The following CSMD1 variants were observed in gnomAD, a reference collection of about 807,000 sequenced individuals.
CSMD1 encodes the protein CUB and Sushi multiple domains 1.
A neutral mutation model predicts 417.5 loss-of-function variants in CSMD1; 213 were observed. The ratio of observed to expected loss-of-function variants is 0.51; its 90% CI spans 0.46 to 0.57. The LOEUF (loss-of-function observed/expected upper bound fraction) is 0.57, where lower values mean the gene tolerates loss of function less well. Among genes scored for constraint, CSMD1 ranks in the 20% least tolerant of loss-of-function variants. The probability of loss-of-function intolerance (pLI) is 0.00; values close to 1 mark genes in which losing one functional copy is unlikely to be tolerated. For synonymous variants in CSMD1, 2,862 were observed against 1,736.8 expected (o/e 1.65, Z -16.11); for missense variants, 6,923 against 4,529.7 (o/e 1.53, Z -15.17).
chr8:4,817,502 T>C (rs1252162814), intron 1 of CSMD1, among the ~76,000 whole-genome samples: 5 of 152,240 alleles, frequency 3.3e-5, no homozygotes, highest in Non-Finnish European at 5.9e-5. Flanking sequence ...GATCCAGTTC[T>C]TATTCCAGCC....
At chr8:3,667,800 A>G (rs140456795) in intron 7 of CSMD1, among the ~76,000 whole-genome samples, 169 of 152,310 alleles carry the variant, frequency 1.1e-3, no homozygotes, top group East Asian at 9.7e-3. Flanking sequence ...ATGGAAACAG[A>G]AGACCCAGGG....
chr8:4,212,986 G>T (rs1260697720), intron 3 of CSMD1, among the ~76,000 whole-genome samples: 1 of 151,966 alleles, frequency 6.6e-6, no homozygotes, highest in Non-Finnish European at 1.5e-5. Flanking sequence ...TGGCTTCCAA[G>T]TCATGTTGCC....
chr8:4,132,577 A>G (rs1803177745), intron 3 of CSMD1, among the ~76,000 whole-genome samples: 1 of 152,234 alleles, frequency 6.6e-6, no homozygotes, highest in South Asian at 2.1e-4. Flanking sequence ...GTGCTATAGC[A>G]TACATCATCA....
intron 3 of CSMD1, among the ~76,000 whole-genome samples, chr8:4,039,507 G>C (rs1422900443): frequency 6.6e-6 from 1 of 152,138 alleles, no homozygotes; most frequent in African/African-American, 2.4e-5. Context: ...ATCTGTAAAA[G>C]GAGAAGGTGC....
At chr8:4,967,937 A>G (rs551753992) in intron 1 of CSMD1, among the ~76,000 whole-genome samples, 5 of 152,278 alleles carry the variant, frequency 3.3e-5, no homozygotes, top group African/African-American at 1.2e-4. Flanking sequence ...AATGATTGAA[A>G]ATGATGTATT....
intron 3 of CSMD1, among the ~76,000 whole-genome samples, chr8:4,045,669 T>C (rs1470820258): frequency 1.3e-5 from 2 of 152,198 alleles, no homozygotes; most frequent in East Asian, 3.9e-4. Flanking sequence ...GTAGAAATAA[T>C]TTTAAGTAGA....
rs147252764 is a variant in CSMD1, at chr8:4,691,825, C to T, written c.86-54267G>A. Among the ~76,000 whole-genome samples the T allele has an allele frequency of 9.8e-5, 15 of 152,294 alleles. No individual in the cohort carries two copies. The South Asian group carries it at 2.3e-3, about 23-fold the overall frequency. On this transcript the variant is annotated intron_variant, in intron 1 of 69. Transcript: ENST00000635120. Reference sequence around the variant, plus strand: ...CAAATCTAACCACAGCAGATAAAGTCGAAGAGGTTTTAATGGGCCAGTGTT... The same window carrying T: ...CAAATCTAACCACAGCAGATAAAGTTGAAGAGGTTTTAATGGGCCAGTGTT...
chr8:4,767,084 C>T (rs577344315), intron 1 of CSMD1, among the ~76,000 whole-genome samples: 1 of 152,226 alleles, frequency 6.6e-6, no homozygotes, highest in South Asian at 2.1e-4. Flanking sequence ...AAGTACAAAT[C>T]CTCCCAACTT....
intron 3 of CSMD1, among the ~76,000 whole-genome samples, chr8:4,212,088 C>T (rs562632922): frequency 2.6e-5 from 4 of 151,550 alleles, no homozygotes; most frequent in African/African-American, 9.7e-5. Context: ...GCCTTGTCAA[C>T]GGAACGTAAA....
At chr8:4,726,952 A>C (rs1809499368) in intron 1 of CSMD1, among the ~76,000 whole-genome samples, 2 of 151,950 alleles carry the variant, frequency 1.3e-5, no homozygotes, top group Non-Finnish European at 2.9e-5. Context: ...ATATGTACTT[A>C]AAAAAAATAC....
chr8:3,513,243 TC>T (rs1241459152), intron 10 of CSMD1, among the ~76,000 whole-genome samples: 2 of 152,128 alleles, frequency 1.3e-5, no homozygotes, highest in Admixed American at 1.3e-4. Flanking sequence ...CCCCTAGTTT[TC>T]CCCTATTTGG....
chr8:4,465,359 C>G (rs1262720778), intron 2 of CSMD1, among the ~76,000 whole-genome samples: 2 of 152,132 alleles, frequency 1.3e-5, no homozygotes, highest in East Asian at 1.9e-4. Context: ...CAGTACATGT[C>G]TACTAAAGAT....
chr8:3,201,714 G>C lies in CSMD1; in HGVS notation c.4996C>G (p.Gln1666Glu), dbSNP rs1330307842. The change falls in exon 32 of 70, where the codon CAG (glutamine) becomes GAG (glutamate). Residue 1666 changes from glutamine (Q) to glutamate (E), a missense_variant. Gln to Glu is a conservative substitution (Grantham distance 29). Transcript: ENST00000635120. ...AGGGCTGTCTGGAAATAGGCAAACTGTCCAAAGACCACTAAAAAATAAGAG... is the reference window on the plus strand; with the variant it reads ...AGGGCTGTCTGGAAATAGGCAAACTCTCCAAAGACCACTAAAAAATAAGAG... ...TVPKEFVVFG[Q>E]FAYFQTALND... 6.3e-7 allele frequency: 1 copy of C among 1,594,588 alleles called. No individual in the cohort carries two copies. The highest frequency in any genetic ancestry group is 2.2e-5 in the East Asian group (1 of 44,454).
At chr8:3,475,684 T>C (rs1442208685) in intron 11 of CSMD1, among the ~76,000 whole-genome samples, 1 of 152,240 alleles carries the variant, frequency 6.6e-6, no homozygotes, top group African/African-American at 2.4e-5. Context: ...CACATTGATA[T>C]GTCTGGTTGC....
chr8:3,065,489 A>T (rs1309064920), intron 49 of CSMD1, among the ~76,000 whole-genome samples: 1 of 152,142 alleles, frequency 6.6e-6, no homozygotes, highest in Non-Finnish European at 1.5e-5. Flanking sequence ...ATAGGAAGAT[A>T]GATATATATA....
intron 2 of CSMD1, among the ~76,000 whole-genome samples, chr8:4,631,115 C>T (rs1802484131): frequency 6.6e-6 from 1 of 152,140 alleles, no homozygotes; most frequent in Admixed American, 6.5e-5. Context: ...GTAATCCCAG[C>T]ACTTTGGGAG....
chr8:4,595,389 T>TTATACTCTAAGTTTTAGGGTACATG (rs1554520259), intron 2 of CSMD1, among the ~76,000 whole-genome samples: 1 of 151,568 alleles, frequency 6.6e-6, no homozygotes, highest in Non-Finnish European at 1.5e-5. Context: ...TTCATTTTCA[T>TTATACTCTAAGTTTTAGGGTACATG]TCCATCCATC....
At chr8:4,158,420 C>G (rs1278808065) in intron 3 of CSMD1, among the ~76,000 whole-genome samples, 1 of 151,476 alleles carries the variant, frequency 6.6e-6, no homozygotes, top group Non-Finnish European at 1.5e-5. Flanking sequence ...AAGGATATTG[C>G]AAACAAACAA....
chr8:3,515,578 G>A (rs1255557692), intron 10 of CSMD1, among the ~76,000 whole-genome samples: 1 of 152,216 alleles, frequency 6.6e-6, no homozygotes, highest in Non-Finnish European at 1.5e-5. Flanking sequence ...GTTTTCGGAA[G>A]TTTAGAATGT....
Sources: gnomAD v4.1 joint callset for allele counts (sites outside exome capture counted in the v4.1 genomes callset) on GRCh38, gnomAD v4.1.1 for gene constraint, MANE v1.5 for transcripts, NCBI Gene and HGNC (gene_info 2026-07-23, HGNC 2026-07-21) for gene names.